The following SHC4 variants were observed in gnomAD, a reference collection of about 807,000 sequenced individuals.
SHC4 encodes SHC-transforming protein 4.
SHC4 carries 41 observed loss-of-function variants against 69.4 expected under a neutral mutation model. The ratio of observed to expected loss-of-function variants is 0.59; its 90% CI spans 0.46 to 0.77. The LOEUF (loss-of-function observed/expected upper bound fraction) is 0.77. Among genes scored for constraint, SHC4 ranks in the 30% least tolerant of loss-of-function variants. The probability of loss-of-function intolerance (pLI) is 0.00; values close to 1 mark genes in which losing one functional copy is unlikely to be tolerated. For synonymous variants in SHC4, 318 were observed against 299.3 expected (o/e 1.06, Z -0.64); for missense variants, 777 against 783.8 (o/e 0.99, Z 0.10).
intron 8 of SHC4, among the ~76,000 whole-genome samples, chr15:48,854,611 T>C (rs1357712167): frequency 6.6e-6 from 1 of 152,198 alleles, no homozygotes; most frequent in South Asian, 2.1e-4. Flanking sequence ...ATGTGGTACA[T>C]ATACACCATG....
At chr15:48,882,051 G>C (rs541682449) in intron 4 of SHC4, among the ~76,000 whole-genome samples, 1 of 152,234 alleles carries the variant, frequency 6.6e-6, no homozygotes, top group South Asian at 2.1e-4. Flanking sequence ...GATGGGGAAG[G>C]CATTAGTATT....
chr15:48,861,907 T>C (rs951862678), intron 6 of SHC4, among the ~76,000 whole-genome samples: 17 of 152,240 alleles, frequency 1.1e-4, no homozygotes, highest in African/African-American at 3.9e-4. Flanking sequence ...TTTACTACTT[T>C]TATATTTGTT....
chr15:48,891,469 T>C (rs962744304), intron 2 of SHC4, among the ~76,000 whole-genome samples: 1 of 152,224 alleles, frequency 6.6e-6, no homozygotes, highest in Non-Finnish European at 1.5e-5. Flanking sequence ...TAGTTGCTCC[T>C]TAATGGAAGT....
intron 4 of SHC4, among the ~76,000 whole-genome samples, chr15:48,880,983 AGAGTGTGTGT>A (rs1374376367): frequency 3.6e-3 from 389 of 108,266 alleles, no homozygotes; most frequent in African/African-American, 0.016. Flanking sequence ...GATGTGTGTG[AGAGTGTGTGT>A]GTGTGTGTGT....
rs1899884613 is a variant in SHC4, at chr15:48,878,878, A to G, written c.840+5370T>C. 5.7e-6 allele frequency: 4 copies of G among 697,728 alleles called. No individual in the cohort carries two copies. The South Asian group carries it at 8.0e-5, about 14-fold the overall frequency. 43.2% of individuals were successfully genotyped at this position (697,728 alleles called of 1,614,324 possible). On this transcript the variant is annotated intron_variant, in intron 4 of 11. Coordinates refer to ENST00000332408, the MANE Select transcript of SHC4 (RefSeq NM_203349.4). ...AATTTGTTTTTCAGAATAGAACACA[A>G]TAGGACAGTGACTGCACAGTTGTGA...
At chr15:48,905,812 C>A (rs1324208087) in intron 2 of SHC4, among the ~76,000 whole-genome samples, 1 of 152,176 alleles carries the variant, frequency 6.6e-6, no homozygotes, top group African/African-American at 2.4e-5. Context: ...CTTGCTTAGG[C>A]TAGTGAATGT....
At chr15:48,845,656 A>G (rs936431009) in intron 9 of SHC4, among the ~76,000 whole-genome samples, 1 of 152,224 alleles carries the variant, frequency 6.6e-6, no homozygotes, top group African/African-American at 2.4e-5. Flanking sequence ...TAATCAGATC[A>G]GAGCTTTGGC....
chr15:48,864,568 C>T (rs1272525697), intron 6 of SHC4, among the ~76,000 whole-genome samples: 1 of 150,352 alleles, frequency 6.7e-6, no homozygotes, highest in East Asian at 2.0e-4. Context: ...CTGCCTCAGC[C>T]TCCCGAGTAG....
At chr15:48,885,915 A>G (rs995325088) in intron 3 of SHC4, among the ~76,000 whole-genome samples, 10 of 152,196 alleles carry the variant, frequency 6.6e-5, no homozygotes, top group African/African-American at 2.4e-4. Context: ...ATTTAACAGC[A>G]AGCTGCTCAT....
At chr15:48,924,155 T>A (rs1451905473) in intron 2 of SHC4, among the ~76,000 whole-genome samples, 1 of 152,130 alleles carries the variant, frequency 6.6e-6, no homozygotes, top group Non-Finnish European at 1.5e-5. Flanking sequence ...GAGACACACC[T>A]TGGCACCACA....
intron 1 of SHC4, among the ~76,000 whole-genome samples, chr15:48,931,673 G>C (rs1900967815): frequency 1.3e-5 from 2 of 151,658 alleles, no homozygotes; most frequent in African/African-American, 4.8e-5. Flanking sequence ...GCAATACTGG[G>C]GTCTCATCAT....
At chr15:48,934,579 GC>G (rs1178357157) in intron 1 of SHC4, among the ~76,000 whole-genome samples, 1 of 152,096 alleles carries the variant, frequency 6.6e-6, no homozygotes, top group Non-Finnish European at 1.5e-5. Context: ...ATATGACCCA[GC>G]AATTCCACTC....
chr15:48,876,484 CACAT>C, intron 4 of SHC4: 4 of 464,818 alleles, frequency 8.6e-6, no homozygotes, highest in East Asian at 6.4e-5. Flanking sequence ...TACACATACA[CACAT>C]ACATATACAC....
chr15:48,860,048 AAAAG>A (rs927899348), intron 6 of SHC4, among the ~76,000 whole-genome samples: 2 of 152,202 alleles, frequency 1.3e-5, no homozygotes, highest in Non-Finnish European at 2.9e-5. Context: ...CTGTCTCTAA[AAAAG>A]AAAGAAAGGA....
chr15:48,906,583 T>C (rs982413823), intron 2 of SHC4, among the ~76,000 whole-genome samples: 2 of 152,146 alleles, frequency 1.3e-5, no homozygotes, highest in African/African-American at 4.8e-5. Flanking sequence ...TGGTTAAAGA[T>C]GTCTGGTCCA....
chr15:48,835,164 A>T, intron 10 of SHC4, 142 bp from the exon 11 acceptor site: 4 of 1,148,126 alleles, frequency 3.5e-6, no homozygotes, highest in Non-Finnish European at 4.8e-6. Context: ...GGAACAAATG[A>T]GGTTTTTGTT....
intron 1 of SHC4, among the ~76,000 whole-genome samples, chr15:48,937,650 GATCT>G (rs1901099077): frequency 6.6e-6 from 1 of 151,810 alleles, no homozygotes; most frequent in South Asian, 2.1e-4. Context: ...TACACATATA[GATCT>G]ATCTATCCAT....
chr15:48,857,914 A>G, intron 6 of SHC4, 99 bp from the exon 7 acceptor site: 3 of 934,722 alleles, frequency 3.2e-6, no homozygotes, highest in Non-Finnish European at 4.3e-6. Context: ...TGATAATTGA[A>G]TAAAAGGGAG....
At chr15:48,850,462 T>G (rs1260665287) in intron 9 of SHC4, among the ~76,000 whole-genome samples, 1 of 152,120 alleles carries the variant, frequency 6.6e-6, no homozygotes, top group African/African-American at 2.4e-5. Context: ...CTAATTTGAG[T>G]CCTTAAATAT....
Sources: gnomAD v4.1 joint callset for allele counts (sites outside exome capture counted in the v4.1 genomes callset) on GRCh38, gnomAD v4.1.1 for gene constraint, MANE v1.5 for transcripts, NCBI Gene and HGNC (gene_info 2026-07-23, HGNC 2026-07-21) for gene names.